The following FRAS1 variants were observed in gnomAD, a reference collection of about 807,000 sequenced individuals.
FRAS1 encodes the protein Fraser extracellular matrix complex subunit 1.
Under a neutral mutation model 435.2 loss-of-function variants are expected in FRAS1, and 290 were observed. That is an observed-to-expected ratio of 0.67 (90% confidence interval 0.61 to 0.73). The LOEUF is 0.73. Ranked by LOEUF, FRAS1 falls within the 30% of genes least tolerant of loss-of-function variation. The probability of loss-of-function intolerance (pLI) is 0.00; values close to 1 mark genes in which losing one functional copy is unlikely to be tolerated. For synonymous variants in FRAS1, 1,800 were observed against 1,851.0 expected, an observed-to-expected ratio of 0.97 and a Z score of 0.71; for missense variants, 4,860 against 5,001.5, an observed-to-expected ratio of 0.97 and a Z score of 0.85.
intron 2 of FRAS1, among the ~76,000 whole-genome samples, chr4:78,222,767 A>T (rs11098094): frequency 6.6e-6 from 1 of 151,998 alleles, no homozygotes; most frequent in African/African-American, 2.4e-5. Context: ...TCAAAGGCAC[A>T]GCTCTGCAAA....
intron 62 of FRAS1, among the ~76,000 whole-genome samples, chr4:78,508,382 C>G (rs1720907669): frequency 6.6e-6 from 1 of 152,214 alleles, no homozygotes; most frequent in African/African-American, 2.4e-5. Flanking sequence ...ATACCATCAA[C>G]TATTTAATGC....
At chr4:78,539,768 C>T (rs1480658935) in intron 73 of FRAS1, among the ~76,000 whole-genome samples, 1 of 152,080 alleles carries the variant, frequency 6.6e-6, no homozygotes, top group Non-Finnish European at 1.5e-5. Context: ...CTGATTTTCA[C>T]GGACATATGA....
chr4:78,369,730 C>A (rs1731422742), intron 22 of FRAS1, 108 bp from the exon 23 acceptor site: 1 of 870,894 alleles, frequency 1.1e-6, no homozygotes, highest in Non-Finnish European at 1.7e-6. Context: ...AAATGTAGAG[C>A]AGGTTGGAAC....
intron 3 of FRAS1, among the ~76,000 whole-genome samples, chr4:78,240,517 A>C (rs1724956295): frequency 6.6e-6 from 1 of 152,154 alleles, no homozygotes; most frequent in Non-Finnish European, 1.5e-5. Flanking sequence ...AGAATACAGG[A>C]GGATTAAGAA....
At chr4:78,465,210 A>G (rs1367124707) in intron 49 of FRAS1, among the ~76,000 whole-genome samples, 1 of 152,246 alleles carries the variant, frequency 6.6e-6, no homozygotes, top group Non-Finnish European at 1.5e-5. Flanking sequence ...TTCTTTCATC[A>G]AATATTAATT....
intron 2 of FRAS1, among the ~76,000 whole-genome samples, chr4:78,089,990 T>C (rs925492818): frequency 1.3e-4 from 20 of 152,184 alleles, no homozygotes; most frequent in Admixed American, 6.5e-5. Flanking sequence ...TCTGTCCCTA[T>C]GTTACGAACT....
At chr4:78,450,748 TAAGCAA>T (rs1339552649) in intron 45 of FRAS1, among the ~76,000 whole-genome samples, 2 of 152,172 alleles carry the variant, frequency 1.3e-5, no homozygotes, top group African/African-American at 4.8e-5. Flanking sequence ...GTTAATGAAC[TAAGCAA>T]AATGGAAGGG....
intron 28 of FRAS1, among the ~76,000 whole-genome samples, chr4:78,386,520 C>T (rs866347179): frequency 6.6e-6 from 1 of 152,172 alleles, no homozygotes; most frequent in Middle Eastern, 3.4e-3. Flanking sequence ...TTCCAGGAGG[C>T]CAGGAGGGTG....
At chr4:78,259,740 T>A (rs1725982589) in intron 6 of FRAS1, among the ~76,000 whole-genome samples, 1 of 143,952 alleles carries the variant, frequency 6.9e-6, no homozygotes, top group Non-Finnish European at 1.5e-5. Flanking sequence ...TTTTGGCTTT[T>A]GTTGCCGTTG....
chr4:78,366,165 G>A (rs11936250), intron 22 of FRAS1, among the ~76,000 whole-genome samples: 65,211 of 151,944 alleles, frequency 0.43, 16,185 homozygotes, highest in Non-Finnish European at 0.56. Flanking sequence ...GGAATCTTTC[G>A]AGAGGATGTA....
chr4:78,234,409 T>A (rs1724653706), intron 2 of FRAS1, among the ~76,000 whole-genome samples: 1 of 152,078 alleles, frequency 6.6e-6, no homozygotes. Flanking sequence ...GTATTTTTAG[T>A]AGAGACGGGG....
chr4:78,168,207 G>C (rs1476846137), intron 2 of FRAS1, among the ~76,000 whole-genome samples: 1 of 151,888 alleles, frequency 6.6e-6, no homozygotes, highest in Non-Finnish European at 1.5e-5. Flanking sequence ...ATAGACTAAT[G>C]CCCTTTGTAG....
rs541185670 is a variant in FRAS1, at chr4:78,068,918, G to A, written c.108+2902G>A. Reference sequence around the variant, plus strand: ...CTGCTCTCTCTCCACATGCCCTAGCGTTAAAGAAAAGCATTGTGTCTACAT... The same window carrying A: ...CTGCTCTCTCTCCACATGCCCTAGCATTAAAGAAAAGCATTGTGTCTACAT... On this transcript the variant is annotated intron_variant, in intron 2 of 73. Transcript: ENST00000512123. Among the ~76,000 whole-genome samples, 5 of 142,110 alleles carry A rather than the reference G, an allele frequency of 3.5e-5. No individual in the cohort carries two copies. The East Asian group carries it at 6.7e-4, about 19-fold the overall frequency. 93.2% of individuals were successfully genotyped at this position (142,110 alleles called of 152,430 possible).
At chr4:78,483,768 C>CTATATATAAATATATATATATA (rs1491536432) in intron 58 of FRAS1, among the ~76,000 whole-genome samples, 1 of 6,516 alleles carries the variant, frequency 1.5e-4, no homozygotes, top group Non-Finnish European at 5.0e-4. Context: ...AAAAAAAAAA[C>CTATATATAAATATATATATATA]TCTCTCTCTC....
At chr4:78,343,066 T>C in intron 20 of FRAS1, among the ~76,000 whole-genome samples, 1 of 152,166 alleles carries the variant, frequency 6.6e-6, no homozygotes, top group Non-Finnish European at 1.5e-5. Flanking sequence ...AGGTGTTGCA[T>C]GCAACAAAAA....
At chr4:78,519,283 T>C (rs760106253) in intron 66 of FRAS1, 48 bp from the exon 67 acceptor site, 9 of 1,447,128 alleles carry the variant, frequency 6.2e-6, no homozygotes, top group Non-Finnish European at 2.7e-6. Flanking sequence ...GTATGTCTTT[T>C]CATCCCAGGG....
chr4:78,298,003 CCTCTCTCTCTCT>C (rs765903880), intron 14 of FRAS1, among the ~76,000 whole-genome samples: 16 of 119,266 alleles, frequency 1.3e-4, no homozygotes, highest in South Asian at 1.3e-3. Flanking sequence ...TTAATTTGTT[CCTCTCTCTCTCT>C]CTCTCTCTCT....
At chr4:78,464,836 A>T (rs193295805) in intron 49 of FRAS1, among the ~76,000 whole-genome samples, 3 of 152,246 alleles carry the variant, frequency 2.0e-5, no homozygotes. Context: ...TACATGTAAC[A>T]ATACTTTTAA....
intron 6 of FRAS1, among the ~76,000 whole-genome samples, chr4:78,257,219 T>C (rs1725836845): frequency 6.6e-6 from 1 of 152,202 alleles, no homozygotes; most frequent in Non-Finnish European, 1.5e-5. Context: ...CTGTTCTACA[T>C]TGCAATCTCA....
Sources: gnomAD v4.1 joint callset for allele counts (sites outside exome capture counted in the v4.1 genomes callset) on GRCh38, gnomAD v4.1.1 for gene constraint, MANE v1.5 for transcripts, NCBI Gene and HGNC (gene_info 2026-07-23, HGNC 2026-07-21) for gene names.